The following UBXN2A variants were observed in gnomAD, a reference collection of about 807,000 sequenced individuals.
The protein encoded by UBXN2A is UBX domain protein 2A, also known as UBX domain-containing protein 2A.
A neutral mutation model predicts 28.4 loss-of-function variants in UBXN2A; 28 were observed. The observed-to-expected ratio is 0.99, with a 90% confidence interval of 0.73 to 1.35. UBXN2A has a LOEUF of 1.35. Among genes scored for constraint, UBXN2A ranks in the 40% most tolerant of loss-of-function variants. The pLI, the probability that UBXN2A is intolerant of heterozygous loss-of-function variation, is 0.00. For missense variants in UBXN2A, 253 were observed against 297.9 expected, an observed-to-expected ratio of 0.85 and a Z score of 1.11; for synonymous variants, 97 against 103.6, an observed-to-expected ratio of 0.94 and a Z score of 0.39.
chr2:23,985,142 T>C (rs1343269806), intron 6 of UBXN2A, among the ~76,000 whole-genome samples: 1 of 152,192 alleles, frequency 6.6e-6, no homozygotes, highest in Non-Finnish European at 1.5e-5. Context: ...CTCACTGTGT[T>C]GCCCACACTG....
chr2:23,942,419 CTT>C (rs759241567), intron 1 of UBXN2A, among the ~76,000 whole-genome samples: 7 of 98,128 alleles, frequency 7.1e-5, no homozygotes, highest in Admixed American at 1.4e-4. Flanking sequence ...TGATGCAGGG[CTT>C]TTTTTTTTTT....
intron 1 of UBXN2A, among the ~76,000 whole-genome samples, chr2:23,930,956 G>A (rs1328269560): frequency 6.6e-6 from 1 of 152,174 alleles, no homozygotes; most frequent in Non-Finnish European, 1.5e-5. Context: ...CATGAGATCA[G>A]GAGTTCAAGA....
At chr2:23,981,476 T>TAAAAAAAAAAAAAAAAA (rs55665209) in intron 4 of UBXN2A, among the ~76,000 whole-genome samples, 1 of 28,910 alleles carries the variant, frequency 3.5e-5, no homozygotes, top group African/African-American at 1.5e-4. Flanking sequence ...AGCTCCTATC[T>TAAAAAAAAAAAAAAAAA]AAAAAAAAAA....
At chr2:23,975,421 T>C (rs915548197) in intron 3 of UBXN2A, among the ~76,000 whole-genome samples, 2 of 152,158 alleles carry the variant, frequency 1.3e-5, no homozygotes, top group African/African-American at 4.8e-5. Flanking sequence ...AACATTTCAA[T>C]CAAAATAACA....
At chr2:23,981,476 T>TA (rs55665209) in intron 4 of UBXN2A, among the ~76,000 whole-genome samples, 3,865 of 28,964 alleles carry the variant, frequency 0.13, 682 homozygotes, top group Non-Finnish European at 0.15. Context: ...AGCTCCTATC[T>TA]AAAAAAAAAA....
chr2:23,980,407 T>C (rs1015686071), intron 4 of UBXN2A, among the ~76,000 whole-genome samples: 1 of 152,190 alleles, frequency 6.6e-6, no homozygotes, highest in Admixed American at 6.6e-5. Flanking sequence ...CTACCAGCTA[T>C]GTATGAGGCT....
chr2:23,929,813 GTTTA>G (rs762111066), intron 1 of UBXN2A, among the ~76,000 whole-genome samples: 7 of 152,270 alleles, frequency 4.6e-5, no homozygotes, highest in East Asian at 1.9e-4. Context: ...TTTTGTGTGT[GTTTA>G]TTTGTTTTTG....
Position 23,999,655 on chromosome 2 carries a change from T to C in UBXN2A, c.585-17T>C, listed in dbSNP as rs199634469. 43 of 1,588,330 alleles carry C rather than the reference T, an allele frequency of 2.7e-5. No individual in the cohort carries two copies. In the East Asian group the frequency reaches 9.6e-4, roughly 35 times the overall value. ...AATTTTCCTAAAATTATATTAATAG[T>C]TTTTGCTGTTTTACAGAGTAAGCCA... On this transcript the variant is annotated splice_polypyrimidine_tract_variant and intron_variant, in intron 6 of 6. Transcript: ENST00000309033.
chr2:23,968,999 T>C (rs924343377), intron 2 of UBXN2A: 5 of 151,352 alleles, frequency 3.3e-5, no homozygotes, highest in African/African-American at 1.2e-4. Context: ...TTCAAGCGAT[T>C]CTTCTGCCTC....
intron 2 of UBXN2A, among the ~76,000 whole-genome samples, chr2:23,964,021 A>G (rs1707051639): frequency 6.6e-6 from 1 of 152,018 alleles, no homozygotes; most frequent in Non-Finnish European, 1.5e-5. Context: ...AGACCCAGCT[A>G]CTGAGGAGGC....
intron 1 of UBXN2A, chr2:23,944,468 C>T (rs1187619472): frequency 3.2e-5 from 22 of 695,266 alleles, no homozygotes; most frequent in Non-Finnish European, 4.4e-5. Context: ...GATTCTTTTG[C>T]GCTTTCAGAT....
At chr2:23,961,015 C>A (rs1243868874) in intron 2 of UBXN2A, among the ~76,000 whole-genome samples, 1 of 152,090 alleles carries the variant, frequency 6.6e-6, no homozygotes, top group Non-Finnish European at 1.5e-5. Context: ...TCTTTTGTGA[C>A]TGACTGCTTT....
chr2:23,975,905 C>T (rs936951924), intron 3 of UBXN2A, among the ~76,000 whole-genome samples: 1 of 152,178 alleles, frequency 6.6e-6, no homozygotes, highest in Admixed American at 6.5e-5. Flanking sequence ...GGATTACAGG[C>T]GTGAGCCACC....
chr2:23,937,389 A>T (rs115568757), upstream of UBXN2A, among the ~76,000 whole-genome samples: 3,544 of 151,662 alleles, frequency 0.023, 142 homozygotes, highest in African/African-American at 0.08. Flanking sequence ...TACAAAAAAA[A>T]TTTTTTTTTA....
intron 1 of UBXN2A, among the ~76,000 whole-genome samples, chr2:23,956,904 G>T (rs1706655272): frequency 6.6e-6 from 1 of 152,144 alleles, no homozygotes; most frequent in Non-Finnish European, 1.5e-5. Flanking sequence ...GTCCCTGGAA[G>T]ATTGGTTCCA....
At chr2:23,934,891 T>A (rs1705479325) in intron 1 of UBXN2A, among the ~76,000 whole-genome samples, 1 of 152,066 alleles carries the variant, frequency 6.6e-6, no homozygotes. Flanking sequence ...CTGGCCAACG[T>A]GGTAAAACCC....
chr2:23,944,848 G>A (rs1705975004), intron 1 of UBXN2A, among the ~76,000 whole-genome samples: 1 of 152,084 alleles, frequency 6.6e-6, no homozygotes, highest in African/African-American at 2.4e-5. Flanking sequence ...AGGTGGGAGT[G>A]GAGCAGAATT....
At chr2:23,948,648 T>C (rs544595815) in intron 1 of UBXN2A, among the ~76,000 whole-genome samples, 1 of 152,230 alleles carries the variant, frequency 6.6e-6, no homozygotes, top group South Asian at 2.1e-4. Flanking sequence ...CAGAACAACC[T>C]GAGGGGGATA....
At chr2:23,973,551 G>T (rs1437140065) in intron 3 of UBXN2A, among the ~76,000 whole-genome samples, 1 of 151,114 alleles carries the variant, frequency 6.6e-6, no homozygotes, top group Non-Finnish European at 1.5e-5. Flanking sequence ...TGTTAGCCAG[G>T]ATGGTTTCAA....
Sources: gnomAD v4.1 joint callset for allele counts (sites outside exome capture counted in the v4.1 genomes callset) on GRCh38, gnomAD v4.1.1 for gene constraint, MANE v1.5 for transcripts, NCBI Gene and HGNC (gene_info 2026-07-23, HGNC 2026-07-21) for gene names.